The following SNRPA variants were observed in gnomAD, a reference collection of about 807,000 sequenced individuals.
The protein encoded by SNRPA is small nuclear ribonucleoprotein polypeptide A, also known as U1 small nuclear ribonucleoprotein A.
SNRPA carries 10 observed loss-of-function variants against 24.5 expected under a neutral mutation model. That is an observed-to-expected ratio of 0.41 (90% CI 0.25 to 0.69). The LOEUF (loss-of-function observed/expected upper bound fraction) is 0.69. SNRPA is among the 30% of genes least tolerant of loss of function. The pLI, the probability that SNRPA is intolerant of heterozygous loss-of-function variation, is 0.33. For synonymous variants in SNRPA, 165 were observed against 148.4 expected, an observed-to-expected ratio of 1.11 and a Z score of -0.81; for missense variants, 283 against 394.7, an observed-to-expected ratio of 0.72 and a Z score of 2.40.
In SNRPA at chr19:40,763,675, A is replaced by G. The variant is rs749015965; in HGVS notation, c.689A>G (p.Gln230Arg). 1 of 1,613,278 alleles carries G rather than the reference A, an allele frequency of 6.2e-7. No individual in the cohort carries two copies. Among genetic ancestry groups the G allele is most frequent in the Non-Finnish European group, 8.5e-7 (1 of 1,179,302 alleles). ...NELMLSMLFN[Q>R]FPGFKEVRLV... is the part of the protein sequence containing the mutation. ...CTCATGCTGTCCATGCTTTTCAATC[A>G]GTAAGTGGGGCCTGTGGCTGGGTGG... is the stretch of plus-strand genomic sequence containing the variant. Residue 230 changes from glutamine (Q) to arginine (R), a missense_variant and splice_region_variant, in exon 5 of 6, where the codon CAG becomes CGG. By Grantham distance (43) the Gln-to-Arg change is conservative. Transcript: ENST00000243563.
chr19:40,753,057 G>A (rs2082890110), intron 1 of SNRPA, among the ~76,000 whole-genome samples: 1 of 152,162 alleles, frequency 6.6e-6, no homozygotes, highest in Admixed American at 6.5e-5. Context: ...AGTTGCTGTT[G>A]AAGAAAGCAA....
intron 5 of SNRPA, among the ~76,000 whole-genome samples, chr19:40,763,975 T>G (rs748803102): frequency 1.3e-5 from 2 of 152,190 alleles, no homozygotes; most frequent in Non-Finnish European, 2.9e-5. Flanking sequence ...AATGGGGGCA[T>G]GCAAGGCAAG....
Position 40,757,351 on chromosome 19 carries a change from C to T in SNRPA, c.93C>T (p.Tyr31=), listed in dbSNP as rs149329472. The change falls in exon 2 of 6, where the codon TAC becomes TAT. Residue 31 remains tyrosine, a synonymous_variant. Transcript: ENST00000243563. The part of the protein sequence containing the change: ...IKKDELKKSL[Y]AIFSQFGQIL... ...CTGCAGAGCTAAAAAAGTCCCTGTACGCCATCTTCTCCCAGTTTGGCCAGA... is the reference window on the plus strand; with the variant it reads ...CTGCAGAGCTAAAAAAGTCCCTGTATGCCATCTTCTCCCAGTTTGGCCAGA... 1.2e-5 allele frequency: 20 copies of T among 1,614,048 alleles called. No individual in the cohort carries two copies. Among genetic ancestry groups the T allele is most frequent in the Middle Eastern group, 1.6e-4 (1 of 6,062 alleles).
chr19:40,759,660 C>T lies in SNRPA; in HGVS notation c.426+50C>T, dbSNP rs1259345955. On this transcript the variant is annotated intron_variant, in intron 3 of 5. Transcript: ENST00000243563. ...CCTCCCACTGCCAGACCTTCCTCAG[C>T]CACATGGACTGGCTTTGGGACAGGG... 11 of 1,519,818 alleles carry T rather than the reference C, an allele frequency of 7.2e-6. No individual in the cohort carries two copies. In the South Asian group the frequency reaches 1.3e-4, roughly 18 times the overall value. The allele number at this position is 1,519,818 out of a possible 1,614,324, so 94.1% of individuals were successfully genotyped here.
At chr19:40,763,384 A>G in intron 4 of SNRPA, 1 of 613,734 alleles carries the variant, frequency 1.6e-6, no homozygotes, top group Non-Finnish European at 2.9e-6. Context: ...ACTGAGATAG[A>G]AACCTCTGCT....
At position 40,752,521 on chromosome 19, in the gene SNRPA, T is replaced by A. The variant is rs1056941207; in HGVS notation, c.73+1040T>A. Among the ~76,000 whole-genome samples the A allele has an allele frequency of 7.6e-5, 10 of 132,068 alleles. No homozygotes were observed. In the South Asian group the frequency reaches 1.2e-3, roughly 16 times the overall value. The allele number at this position is 132,068 out of a possible 152,430, so 86.6% of individuals were successfully genotyped here. ...ACTTTGGGAGGCTGAGGCAGGAGGATCACTGAAACACAGGAGTTCAAGATC... is the reference window on the plus strand; with the variant it reads ...ACTTTGGGAGGCTGAGGCAGGAGGAACACTGAAACACAGGAGTTCAAGATC... On this transcript the variant is annotated intron_variant, in intron 1 of 5. Coordinates refer to ENST00000243563, the MANE Select transcript of SNRPA (RefSeq NM_004596.5).
At chr19:40,751,502 G>A (rs1368210599) in intron 1 of SNRPA, 21 bp downstream of exon 1, 15 of 1,576,354 alleles carry the variant, frequency 9.5e-6, no homozygotes, top group South Asian at 5.5e-5. Flanking sequence ...GGGATAGTCC[G>A]GAGTCCAGAC....
intron 4 of SNRPA, chr19:40,763,295 C>T (rs1255877108): frequency 3.4e-6 from 2 of 594,764 alleles, no homozygotes; most frequent in Admixed American, 6.0e-5. Context: ...GTGGTGCCAG[C>T]ACCTAGATTG....
Position 40,762,956 on chromosome 19 carries a change from C to A in SNRPA, c.482C>A (p.Pro161Gln), listed in dbSNP as rs751695164. Residue 161 changes from proline (P) to glutamine (Q), a missense_variant, in exon 4 of 6, where the codon CCG becomes CAG. Pro to Gln is a moderately conservative substitution (Grantham distance 76). Coordinates refer to ENST00000243563, the MANE Select transcript of SNRPA (RefSeq NM_004596.5). The stretch of plus-strand genomic sequence containing the variant: ...ATTATGCACCACATGCCGGGCCAGC[C>A]GCCCTACATGCCGCCCCCTGGTATG... ...PRIMHHMPGQ[P>Q]PYMPPPGMIP... The A allele has an allele frequency of 4.3e-6, 7 of 1,613,804 alleles. No individual in the cohort carries two copies. The highest frequency in any genetic ancestry group is 1.7e-5 in the Admixed American group (1 of 59,994).
chr19:40,761,452 CTTTTTCTTTTTTTTTTT>C (rs2082931609), intron 3 of SNRPA, among the ~76,000 whole-genome samples: 1 of 96,398 alleles, frequency 1.0e-5, no homozygotes, highest in Non-Finnish European at 2.3e-5. Flanking sequence ...TTTTCTTTTT[CTTTTTCTTTTTTTTTTT>C]TTTTTTTTTT....
At chr19:40,754,878 G>A (rs77313143) in intron 1 of SNRPA, among the ~76,000 whole-genome samples, 2,157 of 152,224 alleles carry the variant, frequency 0.014, 64 homozygotes, top group African/African-American at 0.049. Flanking sequence ...GAGGCCCAGA[G>A]TCCCGTGGAA....
At position 40,759,490 on chromosome 19, in the gene SNRPA, G is replaced by A. The variant is rs561750476; in HGVS notation, c.306G>A (p.Val102=). The A allele has an allele frequency of 2.5e-6, 4 of 1,613,974 alleles. No individual in the cohort carries two copies. The African/African-American group carries it at 5.3e-5, about 22-fold the overall frequency. ...TTGCCAAGATGAAAGGCACCTTCGTGGAGCGGGACCGCAAGCGGGAGAAGA... is the reference window on the plus strand; with the variant it reads ...TTGCCAAGATGAAAGGCACCTTCGTAGAGCGGGACCGCAAGCGGGAGAAGA... The part of the protein sequence containing the change: ...DIIAKMKGTF[V]ERDRKREKRK... The change falls in exon 3 of 6, where the codon GTG becomes GTA. Residue 102 remains valine (V), a synonymous_variant. Coordinates refer to ENST00000243563, the MANE Select transcript of SNRPA (RefSeq NM_004596.5).
In SNRPA at chr19:40,753,186, C is replaced by T. The variant is rs187014360; in HGVS notation, c.73+1705C>T. ...TCTGGCCAAGATGGTGAAACCCCGT[C>T]TCTACTGAAAATACAAAAATCAGCT... On this transcript the variant is annotated intron_variant, in intron 1 of 5. Transcript: ENST00000243563. Among the ~76,000 whole-genome samples, 581 of 152,016 alleles carry T rather than the reference C, an allele frequency of 3.8e-3. 6 individuals carry two copies. Among genetic ancestry groups the T allele is most frequent in the South Asian group, 0.033 (160 of 4,824 alleles).
At chr19:40,755,973 C>T (rs1171046541) in intron 1 of SNRPA, among the ~76,000 whole-genome samples, 2 of 152,154 alleles carry the variant, frequency 1.3e-5, no homozygotes, top group Admixed American at 6.6e-5. Context: ...AGTGAAGTTA[C>T]CTCCATAAAG....
In SNRPA at chr19:40,763,360, G is replaced by A. The variant is rs569029717; in HGVS notation, c.601-227G>A. On this transcript the variant is annotated intron_variant, in intron 4 of 5. Transcript: ENST00000243563. The stretch of plus-strand genomic sequence containing the variant: ...GTGCCAGGCCCCGTTCTGCACTGTA[G>A]GGCTGCAGCAGGGACTGAGATAGAA... The A allele has an allele frequency of 1.7e-5, 10 of 604,260 alleles. No individual in the cohort carries two copies. The East Asian group carries it at 2.2e-4, about 13-fold the overall frequency. The allele number at this position is 604,260 out of a possible 1,614,324, so 37.4% of individuals were successfully genotyped here.
intron 1 of SNRPA, among the ~76,000 whole-genome samples, chr19:40,752,118 A>C (rs981692216): frequency 1.3e-5 from 2 of 151,978 alleles, no homozygotes; most frequent in Non-Finnish European, 2.9e-5. Context: ...CGGGCGGATC[A>C]CCTGAGGTCG....
intron 1 of SNRPA, among the ~76,000 whole-genome samples, chr19:40,753,652 C>G (rs934270027): frequency 1.3e-5 from 2 of 152,062 alleles, no homozygotes; most frequent in Middle Eastern, 3.4e-3. Context: ...CCACCTCGGC[C>G]TCCCAAAGTG....
Position 40,764,997 on chromosome 19 carries a change from T to C in SNRPA, c.690-11T>C. 1 of 1,550,284 alleles carries C rather than the reference T, an allele frequency of 6.5e-7. No individual in the cohort carries two copies. Among genetic ancestry groups the C allele is most frequent in the Non-Finnish European group, 8.7e-7 (1 of 1,150,760 alleles). On this transcript the variant is annotated splice_polypyrimidine_tract_variant and intron_variant, in intron 5 of 5. Transcript: ENST00000243563. Reference sequence around the variant, plus strand: ...AATGCTGAGTCCCTGAGGTCTGTCGTTCTCTTTCAGGTTCCCTGGCTTCAA... The same window carrying C: ...AATGCTGAGTCCCTGAGGTCTGTCGCTCTCTTTCAGGTTCCCTGGCTTCAA...
intron 2 of SNRPA, 51 bp downstream of exon 2, chr19:40,757,555 G>T (rs564329749): frequency 3.3e-6 from 5 of 1,522,882 alleles, no homozygotes; most frequent in African/African-American, 2.8e-5. Context: ...TGTTATAGGA[G>T]ACTGGGCGGG....
Sources: allele counts gnomAD v4.1 joint callset (sites outside exome capture counted in the v4.1 genomes callset), GRCh38; gene constraint gnomAD v4.1.1; transcripts MANE v1.5; gene names NCBI Gene and HGNC (gene_info 2026-07-23, HGNC 2026-07-21).